The following EXTL3 variants were observed in gnomAD, a reference collection of about 807,000 sequenced individuals.
The protein encoded by EXTL3 is exostosin like glycosyltransferase 3.
A neutral mutation model predicts 69.3 loss-of-function variants in EXTL3; 27 were observed. The ratio of observed to expected loss-of-function variants is 0.39; its 90% CI spans 0.29 to 0.54. EXTL3 has a LOEUF of 0.54. Ranked by LOEUF, EXTL3 falls within the 20% of genes least tolerant of loss-of-function variation. The pLI is 0.69. For synonymous variants in EXTL3, 511 were observed against 499.4 expected (o/e 1.02, Z -0.31); for missense variants, 1,003 against 1,231.8 (o/e 0.81, Z 2.78).
chr8:28,731,014 A>G (rs1801523675), intron 3 of EXTL3, among the ~76,000 whole-genome samples: 1 of 152,236 alleles, frequency 6.6e-6, no homozygotes. Context: ...TAACTAATGA[A>G]TGAAGCTTAA....
At chr8:28,633,652 A>G (rs1806604906) in intron 1 of EXTL3, among the ~76,000 whole-genome samples, 1 of 152,084 alleles carries the variant, frequency 6.6e-6, no homozygotes, top group Admixed American at 6.6e-5. Flanking sequence ...TAATAATAAT[A>G]TTTTATGACA....
chr8:28,746,517 A>G (rs1489894491), intron 6 of EXTL3, among the ~76,000 whole-genome samples: 2 of 152,182 alleles, frequency 1.3e-5, no homozygotes, highest in Non-Finnish European at 2.9e-5. Context: ...GTTACCTGGA[A>G]TCTTCCATGT....
intron 1 of EXTL3, among the ~76,000 whole-genome samples, chr8:28,680,603 A>G (rs574373079): frequency 3.3e-5 from 5 of 152,168 alleles, no homozygotes; most frequent in Non-Finnish European, 7.4e-5. Flanking sequence ...TTTAAGATCA[A>G]TCTCTTAGCA....
upstream of EXTL3, chr8:28,696,561 T>C (rs941826501): frequency 2.0e-5 from 3 of 152,070 alleles, no homozygotes; most frequent in African/African-American, 4.8e-5. Flanking sequence ...ACTATACATA[T>C]ACACTTTTTT....
At chr8:28,675,770 C>T (rs1422938857) in intron 1 of EXTL3, among the ~76,000 whole-genome samples, 2 of 152,136 alleles carry the variant, frequency 1.3e-5, no homozygotes, top group Admixed American at 6.5e-5. Context: ...GCCTGTAATC[C>T]CAGCACTTTG....
chr8:28,707,345 C>T (rs937696411), intron 1 of EXTL3, among the ~76,000 whole-genome samples: 28 of 152,168 alleles, frequency 1.8e-4, no homozygotes, highest in Admixed American at 1.6e-3. Context: ...ACTGCTTCAT[C>T]GGTGAAGTGG....
chr8:28,666,360 C>T (rs778412542), intron 1 of EXTL3, among the ~76,000 whole-genome samples: 2 of 152,062 alleles, frequency 1.3e-5, no homozygotes, highest in Non-Finnish European at 2.9e-5. Flanking sequence ...TTCCTACATT[C>T]TCAAACAACT....
At chr8:28,664,744 C>A (rs1807167411) in intron 1 of EXTL3, among the ~76,000 whole-genome samples, 1 of 152,026 alleles carries the variant, frequency 6.6e-6, no homozygotes, top group Non-Finnish European at 1.5e-5. Context: ...CTTTCCTTTC[C>A]TTTTTATATA....
At position 28,751,614 on chromosome 8, in the gene EXTL3, C is replaced by G. The variant is rs1377138314; in HGVS notation, c.*748C>G. Reference sequence around the variant, plus strand: ...GCTGTTCAGCTTCCTGCTGCTGGGGCCAGCGATTTTTGAGGATTTATCTTT... The same window carrying G: ...GCTGTTCAGCTTCCTGCTGCTGGGGGCAGCGATTTTTGAGGATTTATCTTT... On this transcript the variant is annotated 3_prime_UTR_variant, in exon 7 of 7. Transcript: ENST00000220562. The G allele has an allele frequency of 2.6e-5, 4 of 152,236 alleles. No individual in the cohort carries two copies. The highest frequency in any genetic ancestry group is 9.7e-5 in the African/African-American group (4 of 41,400). The allele number at this position is 152,236 out of a possible 1,614,324, so 9.4% of individuals were successfully genotyped here. A position where few individuals can be genotyped will look rare whatever the true frequency, so the allele number is the denominator to read the frequency against.
intron 1 of EXTL3, among the ~76,000 whole-genome samples, chr8:28,635,906 A>C (rs1806646773): frequency 6.6e-6 from 1 of 152,148 alleles, no homozygotes; most frequent in Non-Finnish European, 1.5e-5. Context: ...TTTTTAATAG[A>C]GATGGGGTTT....
intron 1 of EXTL3, among the ~76,000 whole-genome samples, chr8:28,655,105 A>C (rs62504318): frequency 0.29 from 43,029 of 147,070 alleles, 7,784 homozygotes; most frequent in Non-Finnish European, 0.41. Flanking sequence ...ATATTCTCTC[A>C]ATATTTTGAG....
At chr8:28,693,334 G>A (rs1479166559) in intron 1 of EXTL3, among the ~76,000 whole-genome samples, 1 of 152,010 alleles carries the variant, frequency 6.6e-6, no homozygotes, top group Non-Finnish European at 1.5e-5. Flanking sequence ...ATTTTCAGTA[G>A]AGGTGGGTTT....
chr8:28,625,127 T>C (rs1005568315), intron 1 of EXTL3, among the ~76,000 whole-genome samples: 2 of 152,172 alleles, frequency 1.3e-5, no homozygotes, highest in African/African-American at 4.8e-5. Flanking sequence ...AACAGGTGAG[T>C]GACTCACCAA....
intron 1 of EXTL3, among the ~76,000 whole-genome samples, chr8:28,674,307 A>C (rs1409843313): frequency 6.6e-6 from 1 of 152,126 alleles, no homozygotes; most frequent in African/African-American, 2.4e-5. Flanking sequence ...TCCTGGGCTC[A>C]AGTGATCCTC....
At chr8:28,627,470 C>A in intron 1 of EXTL3, among the ~76,000 whole-genome samples, 1 of 147,596 alleles carries the variant, frequency 6.8e-6, no homozygotes. Context: ...GTATTCCAGC[C>A]TGGGTGAGAC....
intron 1 of EXTL3, among the ~76,000 whole-genome samples, chr8:28,659,331 G>A: frequency 6.6e-6 from 1 of 151,948 alleles, no homozygotes; most frequent in Non-Finnish European, 1.5e-5. Flanking sequence ...TGCTTTTGAA[G>A]TGTCTGCATT....
intron 1 of EXTL3, among the ~76,000 whole-genome samples, chr8:28,705,750 A>C (rs1275141733): frequency 6.6e-6 from 1 of 152,212 alleles, no homozygotes; most frequent in Non-Finnish European, 1.5e-5. Flanking sequence ...CTTGCATACT[A>C]AGTTGACTGT....
chr8:28,742,794 C>T, intron 5 of EXTL3: 1 of 392,954 alleles, frequency 2.5e-6, no homozygotes, highest in East Asian at 5.5e-5. Flanking sequence ...AGCATCTGAC[C>T]TAGTTTGACA....
At chr8:28,666,662 G>A (rs1028110773) in intron 1 of EXTL3, among the ~76,000 whole-genome samples, 6 of 151,964 alleles carry the variant, frequency 3.9e-5, no homozygotes, top group African/African-American at 1.2e-4. Flanking sequence ...TACAACCCCC[G>A]CCTCCTGGGT....
Sources: allele counts gnomAD v4.1 joint callset (sites outside exome capture counted in the v4.1 genomes callset), GRCh38; gene constraint gnomAD v4.1.1; transcripts MANE v1.5; gene names NCBI Gene and HGNC (gene_info 2026-07-23, HGNC 2026-07-21).